Variants in DLGAP1 observed in about 807,000 individuals in gnomAD.
The protein encoded by DLGAP1 is DLG associated protein 1.
A neutral mutation model predicts 90.8 loss-of-function variants in DLGAP1; 11 were observed. The observed-to-expected ratio is 0.12, with a 90% CI of 0.08 to 0.20. The LOEUF is 0.20. Ranked by LOEUF, DLGAP1 falls within the 10% of genes least tolerant of loss-of-function variation. The pLI is 1.00. For missense variants in DLGAP1, 1,050 were observed against 1,333.8 expected, an observed-to-expected ratio of 0.79 and a Z score of 3.31; for synonymous variants, 558 against 540.7, an observed-to-expected ratio of 1.03 and a Z score of -0.44.
At chr18:3,874,337 G>C in intron 4 of DLGAP1, 1 of 1,518,138 alleles carries the variant, frequency 6.6e-7, no homozygotes. Flanking sequence ...CGGAGAGAGC[G>C]TTTTGTTTCC....
chr18:3,977,790 GT>G (rs1268319670), intron 3 of DLGAP1: 1 of 380,676 alleles, frequency 2.6e-6, no homozygotes, highest in Non-Finnish European at 5.0e-6. Flanking sequence ...GGGTGATGCT[GT>G]TAAAGTCAGA....
intron 4 of DLGAP1, among the ~76,000 whole-genome samples, chr18:3,821,288 CAAAAAAAA>C (rs56279066): frequency 2.1e-4 from 15 of 72,714 alleles, no homozygotes; most frequent in African/African-American, 5.7e-4. Context: ...GACTCTGTGT[CAAAAAAAA>C]AAAAAAAAAA....
chr18:4,437,520 T>C (rs1021187610), intron 1 of DLGAP1, among the ~76,000 whole-genome samples: 4 of 152,178 alleles, frequency 2.6e-5, no homozygotes, highest in Non-Finnish European at 5.9e-5. Flanking sequence ...AAATGTTATC[T>C]AAATAGTTGT....
intron 9 of DLGAP1, among the ~76,000 whole-genome samples, chr18:3,539,267 T>C (rs1190918095): frequency 2.0e-5 from 3 of 152,238 alleles, no homozygotes; most frequent in Non-Finnish European, 4.4e-5. Context: ...TTTGAAAGAA[T>C]TGATCAGTTC....
At chr18:3,503,083 ATTAGT>A (rs1446969518) in intron 11 of DLGAP1, among the ~76,000 whole-genome samples, 3 of 152,222 alleles carry the variant, frequency 2.0e-5, no homozygotes, top group Non-Finnish European at 2.9e-5. Context: ...CTAAAATAAG[ATTAGT>A]TTAAATATTC....
At chr18:3,659,267 T>A (rs575959234) in intron 7 of DLGAP1, among the ~76,000 whole-genome samples, 1 of 152,266 alleles carries the variant, frequency 6.6e-6, no homozygotes, top group Admixed American at 6.5e-5. Flanking sequence ...TAAGAAGGGA[T>A]TGATGTTGAT....
intron 1 of DLGAP1, among the ~76,000 whole-genome samples, chr18:4,253,936 C>T (rs905124480): frequency 3.3e-5 from 5 of 152,190 alleles, no homozygotes; most frequent in African/African-American, 9.6e-5. Flanking sequence ...TCAGGTTTGG[C>T]AGCCTGAGAC....
chr18:4,174,913 C>T (rs1270011952), intron 1 of DLGAP1, among the ~76,000 whole-genome samples: 1 of 152,194 alleles, frequency 6.6e-6, no homozygotes, highest in African/African-American at 2.4e-5. Context: ...CTTCCAGCTT[C>T]ATCCATGTCC....
chr18:3,927,597 C>G (rs1230359745), intron 3 of DLGAP1, among the ~76,000 whole-genome samples: 1 of 152,128 alleles, frequency 6.6e-6, no homozygotes, highest in Non-Finnish European at 1.5e-5. Flanking sequence ...GAATGTTAGG[C>G]CTTCAGCTAT....
At chr18:3,990,244 CAAT>C (rs2073934964) in intron 3 of DLGAP1, among the ~76,000 whole-genome samples, 1 of 152,010 alleles carries the variant, frequency 6.6e-6, no homozygotes, top group East Asian at 1.9e-4. Flanking sequence ...AAATGTCCAA[CAAT>C]GATAGACTGG....
chr18:4,257,517 G>T lies in DLGAP1; in HGVS notation c.-266-106230C>A, dbSNP rs1235841452. ...TTTAAAAACTTATTCATCACAGAAAGTTATACATTATATCATTTACATCCC... is the reference window on the plus strand; with the variant it reads ...TTTAAAAACTTATTCATCACAGAAATTTATACATTATATCATTTACATCCC... On this transcript the variant is annotated intron_variant, in intron 1 of 12. Transcript: ENST00000315677. 2.0e-5 allele frequency among the ~76,000 whole-genome samples: 3 copies of T among 152,102 alleles called. No homozygotes were observed. In the East Asian group the frequency reaches 5.8e-4, roughly 29 times the overall value.
At chr18:4,126,800 A>G (rs1876101931) in intron 2 of DLGAP1, among the ~76,000 whole-genome samples, 1 of 152,192 alleles carries the variant, frequency 6.6e-6, no homozygotes, top group Non-Finnish European at 1.5e-5. Flanking sequence ...GAAACCCAAA[A>G]ACGTAGATAT....
Position 3,551,158 on chromosome 18 carries a change from C to CATATATATATATATAT in DLGAP1, c.2057+16316_2057+16331dup, listed in dbSNP as rs1275015577. ...AGCCCAAACTGACTAATATTATATA[C>CATATATATATATATAT]ATATATATATATATATATACACATA... is the stretch of plus-strand genomic sequence containing the variant. On this transcript the variant is annotated intron_variant, in intron 9 of 12. Coordinates refer to ENST00000315677, the MANE Select transcript of DLGAP1 (RefSeq NM_004746.4). Among the ~76,000 whole-genome samples, 67 of 7,818 alleles carry CATATATATATATATAT rather than the reference C, an allele frequency of 8.6e-3. 1 individual carries two copies. Among genetic ancestry groups the CATATATATATATATAT allele is most frequent in the African/African-American group, 9.3e-3 (66 of 7,108 alleles). The allele number at this position is 7,818 out of a possible 152,430, so 5.1% of individuals were successfully genotyped here. A position where few individuals can be genotyped will look rare whatever the true frequency, so the allele number is the denominator to read the frequency against.
intron 2 of DLGAP1, among the ~76,000 whole-genome samples, chr18:4,114,103 T>A (rs1598424217): frequency 7.4e-6 from 1 of 135,080 alleles, no homozygotes; most frequent in East Asian, 2.0e-4. Context: ...CTTTGGATAA[T>A]TTTTTTTTTG....
chr18:4,129,358 C>T (rs180823008), intron 2 of DLGAP1, among the ~76,000 whole-genome samples: 3 of 152,240 alleles, frequency 2.0e-5, no homozygotes, highest in Non-Finnish European at 4.4e-5. Flanking sequence ...AAGCATATGG[C>T]TGTCCGGACT....
chr18:3,620,277 G>A (rs1169919166), intron 7 of DLGAP1, among the ~76,000 whole-genome samples: 2 of 152,060 alleles, frequency 1.3e-5, no homozygotes, highest in African/African-American at 4.8e-5. Flanking sequence ...ATGCACCTCT[G>A]CTGCTGGCTT....
At chr18:4,113,678 A>G (rs1206220030) in intron 2 of DLGAP1, among the ~76,000 whole-genome samples, 1 of 152,084 alleles carries the variant, frequency 6.6e-6, no homozygotes, top group African/African-American at 2.4e-5. Context: ...TTAGTCGTAA[A>G]TTCTTTCTCA....
intron 5 of DLGAP1, among the ~76,000 whole-genome samples, chr18:3,744,468 C>T (rs2063184127): frequency 6.6e-6 from 1 of 151,844 alleles, no homozygotes. Flanking sequence ...TGCAAAAAAC[C>T]CCCACAACAA....
intron 10 of DLGAP1, among the ~76,000 whole-genome samples, chr18:3,515,777 CAAAAAAAA>C (rs55680550): frequency 1.1e-5 from 1 of 93,480 alleles, no homozygotes; most frequent in African/African-American, 4.1e-5. Context: ...GACCCTGTCT[CAAAAAAAA>C]AAAAAAAAAA....
Sources: gnomAD v4.1 joint callset for allele counts (sites outside exome capture counted in the v4.1 genomes callset) on GRCh38, gnomAD v4.1.1 for gene constraint, MANE v1.5 for transcripts, NCBI Gene and HGNC (gene_info 2026-07-23, HGNC 2026-07-21) for gene names.